RAD54B: variants seen among roughly 807,000 people sequenced by gnomAD.
RAD54B encodes the protein DNA repair and recombination protein RAD54B.
In RAD54B, 78 loss-of-function variants were observed where a neutral mutation model predicts 95.8. The ratio of observed to expected loss-of-function variants is 0.81; its 90% CI spans 0.68 to 0.98. The LOEUF (loss-of-function observed/expected upper bound fraction) is 0.98. Among genes scored for constraint, RAD54B ranks in the 50% least tolerant of loss-of-function variants. The pLI, the probability that RAD54B is intolerant of heterozygous loss-of-function variation, is 0.00. For synonymous variants in RAD54B, 328 were observed against 354.9 expected (o/e 0.92, Z 0.85); for missense variants, 957 against 1,056.6 (o/e 0.91, Z 1.31).
intron 3 of RAD54B, among the ~76,000 whole-genome samples, chr8:94,421,444 T>C (rs1224153436): frequency 6.6e-6 from 1 of 152,176 alleles, no homozygotes; most frequent in Non-Finnish European, 1.5e-5. Flanking sequence ...TCTCTTTAAG[T>C]AGCCTGTCCA....
chr8:94,389,667 T>C (rs960622679), intron 10 of RAD54B, among the ~76,000 whole-genome samples: 8 of 152,224 alleles, frequency 5.3e-5, no homozygotes, highest in African/African-American at 1.9e-4. Context: ...GGGAAACAAT[T>C]TAGTTTCAAT....
intron 1 of RAD54B, among the ~76,000 whole-genome samples, chr8:94,470,512 T>C (rs1256733633): frequency 1.3e-5 from 2 of 152,056 alleles, no homozygotes; most frequent in Non-Finnish European, 2.9e-5. Context: ...GGAGAATCAC[T>C]TGAACCCGGG....
chr8:94,391,960 CA>C, intron 9 of RAD54B, 61 bp from the exon 10 acceptor site: 1 of 1,385,942 alleles, frequency 7.2e-7, no homozygotes. Flanking sequence ...TTAAAATGAA[CA>C]TTAAAGATTT....
intron 14 of RAD54B, among the ~76,000 whole-genome samples, chr8:94,375,712 C>G (rs1321147752): frequency 6.6e-6 from 1 of 151,932 alleles, no homozygotes; most frequent in African/African-American, 2.4e-5. Flanking sequence ...TGTAACAATA[C>G]GGAAAGATCT....
At chr8:94,466,806 T>C (rs2130198530) in intron 2 of RAD54B, among the ~76,000 whole-genome samples, 1 of 152,354 alleles carries the variant, frequency 6.6e-6, no homozygotes, top group East Asian at 1.9e-4. Flanking sequence ...AAAGAAGTTT[T>C]CACTTATTTA....
At chr8:94,400,737 A>C (rs1811248429) in intron 6 of RAD54B, among the ~76,000 whole-genome samples, 1 of 152,210 alleles carries the variant, frequency 6.6e-6, no homozygotes, top group African/African-American at 2.4e-5. Context: ...AATGAATTCC[A>C]ATTTTATATC....
At chr8:94,458,537 G>A in intron 2 of RAD54B, 101 bp from the exon 3 acceptor site, 1 of 831,534 alleles carries the variant, frequency 1.2e-6, no homozygotes, top group Non-Finnish European at 1.8e-6. Context: ...AGGACATACT[G>A]GTTATATATA....
At chr8:94,404,761 T>C (rs1360612863) in intron 5 of RAD54B, among the ~76,000 whole-genome samples, 1 of 152,154 alleles carries the variant, frequency 6.6e-6, no homozygotes, top group Non-Finnish European at 1.5e-5. Flanking sequence ...TCCATTGACT[T>C]AGCCACCATT....
intron 5 of RAD54B, among the ~76,000 whole-genome samples, chr8:94,407,060 C>G (rs1429846353): frequency 6.6e-6 from 1 of 152,120 alleles, no homozygotes; most frequent in East Asian, 1.9e-4. Context: ...TCAAGGCATA[C>G]AGTCCTCAAA....
chr8:94,391,380 A>G (rs937866763), intron 10 of RAD54B, among the ~76,000 whole-genome samples: 1 of 150,976 alleles, frequency 6.6e-6, no homozygotes, highest in African/African-American at 2.4e-5. Flanking sequence ...TATAGAAGGC[A>G]GTACCTCAAA....
intron 14 of RAD54B, 101 bp from the exon 15 acceptor site, chr8:94,372,488 C>T (rs1412575629): frequency 1.3e-6 from 2 of 1,499,998 alleles, no homozygotes; most frequent in African/African-American, 1.4e-5. Flanking sequence ...TGATTTATTA[C>T]ATTTGATCAC....
chr8:94,393,646 C>T, intron 9 of RAD54B, 97 bp downstream of exon 9: 7 of 1,180,624 alleles, frequency 5.9e-6, no homozygotes, highest in Non-Finnish European at 7.2e-6. Context: ...AAAGAGTTCA[C>T]ACTATTGATT....
intron 3 of RAD54B, among the ~76,000 whole-genome samples, chr8:94,441,834 C>G (rs1484132879): frequency 6.6e-6 from 1 of 152,158 alleles, no homozygotes; most frequent in African/African-American, 2.4e-5. Context: ...ACAGACATTA[C>G]TTTGGAGGTC....
intron 14 of RAD54B, among the ~76,000 whole-genome samples, chr8:94,377,761 G>A (rs1810626213): frequency 6.6e-6 from 1 of 150,614 alleles, no homozygotes; most frequent in Non-Finnish European, 1.5e-5. Flanking sequence ...CGGATCACGA[G>A]GTCAGGAGAT....
chr8:94,403,875 CAG>C (rs199974972), intron 6 of RAD54B, among the ~76,000 whole-genome samples, 200 bp downstream of exon 6: 2 of 112,676 alleles, frequency 1.8e-5, no homozygotes, highest in South Asian at 5.4e-4. Context: ...CACCTCCTAG[CAG>C]TATGTTTGGC....
At chr8:94,399,080 A>T (rs1055802500) in intron 8 of RAD54B, among the ~76,000 whole-genome samples, 2 of 152,068 alleles carry the variant, frequency 1.3e-5, no homozygotes, top group Non-Finnish European at 2.9e-5. Context: ...TTAGAGATTT[A>T]AAAAAACTGA....
At chr8:94,373,971 T>C (rs532070356) in intron 14 of RAD54B, among the ~76,000 whole-genome samples, 5 of 152,256 alleles carry the variant, frequency 3.3e-5, no homozygotes, top group African/African-American at 9.6e-5. Flanking sequence ...TTCATAATCA[T>C]TGAGGTTTTA....
At chr8:94,422,118 ATAAT>A (rs1811819023) in intron 3 of RAD54B, among the ~76,000 whole-genome samples, 1 of 152,134 alleles carries the variant, frequency 6.6e-6, no homozygotes, top group African/African-American at 2.4e-5. Flanking sequence ...CATTATCTCA[ATAAT>A]TAGTTATGTA....
At chr8:94,431,421 G>A in intron 3 of RAD54B, 1 of 982,210 alleles carries the variant, frequency 1.0e-6, no homozygotes, top group Non-Finnish European at 1.2e-6. Context: ...ATCTTTAAAG[G>A]CAATTTTAAT....
Sources: gnomAD v4.1 joint callset for allele counts (sites outside exome capture counted in the v4.1 genomes callset) on GRCh38, gnomAD v4.1.1 for gene constraint, MANE v1.5 for transcripts, NCBI Gene and HGNC (gene_info 2026-07-23, HGNC 2026-07-21) for gene names.